The following ABCA13 variants were observed in gnomAD, a reference collection of about 807,000 sequenced individuals.
The protein encoded by ABCA13 is ATP binding cassette subfamily A member 13, also known as ATP-binding cassette sub-family A member 13.
In ABCA13, 476 loss-of-function variants were observed where a neutral mutation model predicts 478.7. That is an observed-to-expected ratio of 0.99 (90% confidence interval 0.92 to 1.07). The LOEUF (loss-of-function observed/expected upper bound fraction) is 1.07. ABCA13 is among the 50% of genes least tolerant of loss of function. The pLI is 0.00. For missense variants in ABCA13, 6,060 were observed against 5,910.6 expected (o/e 1.03, Z -0.83); for synonymous variants, 2,252 against 2,158.9 (o/e 1.04, Z -1.20).
chr7:48,323,569 A>T (rs1168962849), intron 27 of ABCA13, among the ~76,000 whole-genome samples: 2 of 152,184 alleles, frequency 1.3e-5, no homozygotes, highest in African/African-American at 4.8e-5. Context: ...CCTTATGTGG[A>T]TTATCTCATG....
chr7:48,627,768 G>A (rs1357773369), intron 59 of ABCA13, among the ~76,000 whole-genome samples: 3 of 152,116 alleles, frequency 2.0e-5, no homozygotes, highest in Admixed American at 6.5e-5. Flanking sequence ...GCCTCTGGTC[G>A]GCTTCTGGTG....
intron 32 of ABCA13, among the ~76,000 whole-genome samples, chr7:48,368,620 C>T (rs1273375787): frequency 6.7e-6 from 1 of 149,876 alleles, no homozygotes; most frequent in East Asian, 2.0e-4. Context: ...ATCCAGGTTG[C>T]TCTGAATGCT....
chr7:48,383,148 G>A (rs1814653439), intron 35 of ABCA13, among the ~76,000 whole-genome samples: 1 of 152,170 alleles, frequency 6.6e-6, no homozygotes, highest in South Asian at 2.1e-4. Context: ...GCAGGAAGGT[G>A]TCATTTCCCA....
intron 27 of ABCA13, among the ~76,000 whole-genome samples, chr7:48,319,923 T>C (rs924644424): frequency 3.3e-5 from 5 of 152,172 alleles, no homozygotes; most frequent in Non-Finnish European, 4.4e-5. Flanking sequence ...TAGTAAGGCC[T>C]TCCGCCTCTG....
At chr7:48,326,173 T>A (rs549486747) in intron 27 of ABCA13, among the ~76,000 whole-genome samples, 1 of 152,320 alleles carries the variant, frequency 6.6e-6, no homozygotes, top group East Asian at 1.9e-4. Context: ...GCTTGCTCCA[T>A]GGGAGCCTTT....
In ABCA13 at chr7:48,618,331, C is replaced by T. The variant is rs532676392; in HGVS notation, c.14837+2954C>T. 1.1e-4 allele frequency among the ~76,000 whole-genome samples: 17 copies of T among 152,284 alleles called. No homozygotes were observed. The East Asian group carries it at 2.5e-3, about 22-fold the overall frequency. Reference sequence around the variant, plus strand: ...CACTTCACCATCTGAGAAGGGTTTCCGCAGAGGACACCAAATCCCATTCCC... The same window carrying T: ...CACTTCACCATCTGAGAAGGGTTTCTGCAGAGGACACCAAATCCCATTCCC... On this transcript the variant is annotated intron_variant, in intron 59 of 61. Transcript: ENST00000435803.
In ABCA13 at chr7:48,427,763, A is replaced by C. The variant is rs1305970158; in HGVS notation, c.12460-3A>C. The C allele has an allele frequency of 6.2e-7, 1 of 1,606,642 alleles. No individual in the cohort carries two copies. The highest frequency in any genetic ancestry group is 2.2e-5 in the East Asian group (1 of 44,834). On this transcript the variant is annotated splice_region_variant and splice_polypyrimidine_tract_variant and intron_variant, in intron 41 of 61. Coordinates refer to ENST00000435803, the MANE Select transcript of ABCA13 (RefSeq NM_152701.5). ...ATACATGGCGTTTTTTTTTCTCCGA[A>C]AGGTGTTTTTGATGCTTTTGCAAGA...
At chr7:48,264,701 A>G (rs1460748237) in intron 15 of ABCA13, among the ~76,000 whole-genome samples, 1 of 151,352 alleles carries the variant, frequency 6.6e-6, no homozygotes, top group Admixed American at 6.6e-5. Flanking sequence ...ACGCTTTGCA[A>G]ATATTTCCTC....
chr7:48,207,645 G>A (rs1423642255), intron 3 of ABCA13, among the ~76,000 whole-genome samples: 1 of 151,842 alleles, frequency 6.6e-6, no homozygotes, highest in Non-Finnish European at 1.5e-5. Context: ...TCATTGAATT[G>A]TTTGTTTGTT....
Position 48,274,065 on chromosome 7 carries a change from A to G in ABCA13, c.4399A>G (p.Thr1467Ala), listed in dbSNP as rs1795973575. ...TGTCAATATTTACTTGAAAGATGTA[A>G]CTGACTTTCTAAATATTGTACTTAC... The part of the protein sequence containing the change: ...NCVNIYLKDV[T>A]DFLNIVLTTV... The change falls in exon 17 of 62, where the codon ACT (threonine) becomes GCT (alanine). Residue 1467 changes from threonine (T) to alanine (A), a missense_variant. Coordinates refer to ENST00000435803, the MANE Select transcript of ABCA13 (RefSeq NM_152701.5). The G allele has an allele frequency of 1.9e-6, 3 of 1,606,148 alleles. No homozygotes were observed. The highest frequency in any genetic ancestry group is 2.6e-6 in the Non-Finnish European group (3 of 1,175,234).
intron 6 of ABCA13, 101 bp from the exon 7 acceptor site, chr7:48,229,724 A>G: frequency 7.1e-7 from 1 of 1,405,798 alleles, no homozygotes; most frequent in Non-Finnish European, 9.9e-7. Flanking sequence ...TTGCAACAGC[A>G]CTAGGGGCCC....
intron 42 of ABCA13, among the ~76,000 whole-genome samples, chr7:48,441,924 A>T (rs1054735989): frequency 6.6e-6 from 1 of 152,240 alleles, no homozygotes; most frequent in African/African-American, 2.4e-5. Context: ...ACAACAAATT[A>T]GCATGGTGAA....
chr7:48,317,225 C>T lies in ABCA13; in HGVS notation c.9928C>T (p.Leu3310=). 6.2e-7 allele frequency: 1 copy of T among 1,613,666 alleles called. No individual in the cohort carries two copies. The highest frequency in any genetic ancestry group is 8.5e-7 in the Non-Finnish European group (1 of 1,179,822). Residue 3310 remains leucine, a synonymous_variant, in exon 27 of 62, where the codon CTA becomes TTA. Coordinates refer to ENST00000435803, the MANE Select transcript of ABCA13 (RefSeq NM_152701.5). ...AAATGGTGCTTTGGTGTGGACCTTCCTAAAACCCATATTGCATGGAAAAAT... is the reference window on the plus strand; with the variant it reads ...AAATGGTGCTTTGGTGTGGACCTTCTTAAAACCCATATTGCATGGAAAAAT... ...LPNGALVWTF[L]KPILHGKILY...
At chr7:48,319,523 T>G (rs758918803) in intron 27 of ABCA13, among the ~76,000 whole-genome samples, 2 of 152,168 alleles carry the variant, frequency 1.3e-5, no homozygotes, top group East Asian at 1.9e-4. Flanking sequence ...AGCAATATTA[T>G]CTACAGTGTT....
intron 1 of ABCA13, among the ~76,000 whole-genome samples, chr7:48,191,200 G>A (rs899727118): frequency 9.9e-5 from 15 of 152,134 alleles, no homozygotes; most frequent in Non-Finnish European, 1.5e-4. Flanking sequence ...ACTTAAATAA[G>A]TAGTTATCTC....
At chr7:48,572,915 A>G (rs1563454195) in intron 55 of ABCA13, among the ~76,000 whole-genome samples, 2 of 152,072 alleles carry the variant, frequency 1.3e-5, no homozygotes, top group East Asian at 3.9e-4. Flanking sequence ...TACATGTAGA[A>G]ATTTTTAGGC....
chr7:48,594,849 A>G, intron 58 of ABCA13, 36 bp downstream of exon 58: 1 of 1,573,216 alleles, frequency 6.4e-7, no homozygotes, highest in Non-Finnish European at 8.7e-7. Context: ...ATTTCCTGAT[A>G]AGACTGAGTA....
chr7:48,294,478 C>T (rs1799083924), intron 20 of ABCA13, among the ~76,000 whole-genome samples: 1 of 134,068 alleles, frequency 7.5e-6, no homozygotes, highest in African/African-American at 2.8e-5. Context: ...CTCGCTCTGT[C>T]GCCCAGGCCA....
chr7:48,375,157 A>G (rs1444115486), intron 34 of ABCA13, among the ~76,000 whole-genome samples: 2 of 152,222 alleles, frequency 1.3e-5, no homozygotes, highest in Non-Finnish European at 2.9e-5. Context: ...TAATAATAGG[A>G]AAAAATGCAC....
Sources: allele counts gnomAD v4.1 joint callset (sites outside exome capture counted in the v4.1 genomes callset), GRCh38; gene constraint gnomAD v4.1.1; transcripts MANE v1.5; gene names NCBI Gene and HGNC (gene_info 2026-07-23, HGNC 2026-07-21).